Variants in SFI1 observed in about 807,000 individuals in gnomAD.
The protein encoded by SFI1 is protein SFI1 homolog.
A neutral mutation model predicts 207.5 loss-of-function variants in SFI1; 195 were observed. That is an observed-to-expected ratio of 0.94 (90% confidence interval 0.84 to 1.06). SFI1 has a LOEUF of 1.06. SFI1 is among the 50% of genes least tolerant of loss of function. The pLI is 0.00. For missense variants in SFI1, 1,634 were observed against 1,588.0 expected (o/e 1.03, Z -0.49); for synonymous variants, 630 against 598.9 (o/e 1.05, Z -0.76).
intron 8 of SFI1, among the ~76,000 whole-genome samples, chr22:31,563,496 T>C (rs970557431): frequency 6.6e-6 from 1 of 152,124 alleles, no homozygotes; most frequent in African/African-American, 2.4e-5. Flanking sequence ...TTCTTCCCTT[T>C]CTAAGAGCCA....
Position 31,551,709 on chromosome 22 carries a change from G to A in SFI1, c.544+1361G>A, listed in dbSNP as rs368282939. Reference sequence around the variant, plus strand: ...CTCTCCCAAAGTGCTGGCAATACAGGTGTGAGCCACTGTGCCTGGCCTTAA... The same window carrying A: ...CTCTCCCAAAGTGCTGGCAATACAGATGTGAGCCACTGTGCCTGGCCTTAA... On this transcript the variant is annotated intron_variant, in intron 6 of 32. Coordinates refer to ENST00000400288, the MANE Select transcript of SFI1 (RefSeq NM_001007467.3). Among the ~76,000 whole-genome samples the A allele has an allele frequency of 9.8e-5, 15 of 152,292 alleles. No individual in the cohort carries two copies. In the East Asian group the frequency reaches 2.5e-3, roughly 25 times the overall value.
intron 14 of SFI1, among the ~76,000 whole-genome samples, chr22:31,588,595 G>T (rs375382984): frequency 6.6e-6 from 1 of 152,248 alleles, no homozygotes; most frequent in East Asian, 1.9e-4. Flanking sequence ...CAGGCAGATC[G>T]TGAGGTCAAG....
chr22:31,596,518 C>T (rs184302577), intron 15 of SFI1, among the ~76,000 whole-genome samples: 5 of 151,872 alleles, frequency 3.3e-5, no homozygotes, highest in South Asian at 2.1e-4. Context: ...AGGCTGGACG[C>T]GGTGGCTCAC....
At chr22:31,501,586 G>A (rs1356964765) in intron 1 of SFI1, among the ~76,000 whole-genome samples, 4 of 152,110 alleles carry the variant, frequency 2.6e-5, no homozygotes, top group Admixed American at 6.6e-5. Context: ...TCCCAGTTCC[G>A]CCACTTGTTA....
chr22:31,517,878 C>A (rs1415801167), intron 2 of SFI1, among the ~76,000 whole-genome samples: 1 of 152,168 alleles, frequency 6.6e-6, no homozygotes, highest in Non-Finnish European at 1.5e-5. Flanking sequence ...GACTGCTTAT[C>A]TAGTACTTTT....
intron 14 of SFI1, among the ~76,000 whole-genome samples, chr22:31,587,096 A>T (rs983719687): frequency 6.6e-6 from 1 of 152,174 alleles, no homozygotes; most frequent in Admixed American, 6.6e-5. Context: ...CCAACCATGG[A>T]TAAAAAATAT....
intron 2 of SFI1, among the ~76,000 whole-genome samples, chr22:31,519,462 A>T (rs1938125564): frequency 6.8e-6 from 1 of 147,554 alleles, no homozygotes. Flanking sequence ...TCCGAGACAC[A>T]GTCTTGCTCT....
At chr22:31,554,435 A>G (rs1983967976) in intron 6 of SFI1, among the ~76,000 whole-genome samples, 1 of 151,708 alleles carries the variant, frequency 6.6e-6, no homozygotes, top group South Asian at 2.1e-4. Flanking sequence ...CAGCCTCCCA[A>G]TTAGCTGGGA....
intron 15 of SFI1, among the ~76,000 whole-genome samples, chr22:31,594,547 C>CA (rs35540639): frequency 1.6e-4 from 1 of 6,126 alleles, no homozygotes; most frequent in Non-Finnish European, 5.8e-4. Flanking sequence ...GACGCCGTCT[C>CA]AAAAAAAAAA....
At chr22:31,566,172 C>T (rs1313723605) in intron 8 of SFI1, among the ~76,000 whole-genome samples, 1 of 150,502 alleles carries the variant, frequency 6.6e-6, no homozygotes, top group Non-Finnish European at 1.5e-5. Context: ...CAGCTCACTG[C>T]AATCTCCGCC....
chr22:31,524,303 G>T (rs1403947028), intron 2 of SFI1, among the ~76,000 whole-genome samples: 1 of 152,138 alleles, frequency 6.6e-6, no homozygotes, highest in African/African-American at 2.4e-5. Flanking sequence ...CAAGTAAGAT[G>T]ACACCTCATT....
At chr22:31,521,306 CT>C in intron 2 of SFI1, 1 of 183,520 alleles carries the variant, frequency 5.4e-6, no homozygotes, top group Non-Finnish European at 1.3e-5. Context: ...AATTCTTCTT[CT>C]TCACTAATAG....
At chr22:31,522,113 G>A (rs1310531586) in intron 2 of SFI1, among the ~76,000 whole-genome samples, 1 of 136,286 alleles carries the variant, frequency 7.3e-6, no homozygotes, top group Non-Finnish European at 1.5e-5. Context: ...TGTCGCCCAG[G>A]CTCGAGTGCA....
chr22:31,512,922 G>C (rs1262701727), intron 2 of SFI1, among the ~76,000 whole-genome samples: 1 of 152,050 alleles, frequency 6.6e-6, no homozygotes, highest in Admixed American at 6.5e-5. Flanking sequence ...TTCTGACCTT[G>C]TGATCCGCCT....
At chr22:31,601,240 C>T (rs1447946231) in intron 15 of SFI1, among the ~76,000 whole-genome samples, 1 of 150,216 alleles carries the variant, frequency 6.7e-6, no homozygotes, top group Non-Finnish European at 1.5e-5. Context: ...TCTCCTGCCT[C>T]AGCCTCCCAA....
At position 31,547,906 on chromosome 22, in the gene SFI1, G is replaced by A. The variant is rs192706436; in HGVS notation, c.449+935G>A. Among the ~76,000 whole-genome samples, 615 of 146,808 alleles carry A rather than the reference G, an allele frequency of 4.2e-3. 2 individuals are homozygous for A. The highest frequency in any genetic ancestry group is 0.014 in the African/African-American group (551 of 40,462). On this transcript the variant is annotated intron_variant, in intron 5 of 32. Transcript: ENST00000400288. ...ATTACAGGCATGAACCACCACACCC[G>A]GCCTTGTTTTAAAAATAATAAATTG...
intron 29 of SFI1, 159 bp from the exon 30 acceptor site, chr22:31,616,586 T>G: frequency 5.5e-6 from 4 of 731,020 alleles, no homozygotes; most frequent in East Asian, 5.4e-5. Context: ...GGCTAGACAC[T>G]GAGCTGGCAC....
intron 1 of SFI1, among the ~76,000 whole-genome samples, chr22:31,499,080 T>A (rs2053266899): frequency 6.6e-6 from 1 of 152,072 alleles, no homozygotes; most frequent in Admixed American, 6.6e-5. Context: ...TGATCATGGC[T>A]CATTGCAGAC....
At chr22:31,549,897 T>C (rs2060468638) in intron 5 of SFI1, among the ~76,000 whole-genome samples, 1 of 151,456 alleles carries the variant, frequency 6.6e-6, no homozygotes, top group Non-Finnish European at 1.5e-5. Context: ...ACTTGGTGTG[T>C]TGGGTTAGGA....
Sources: gnomAD v4.1 joint callset for allele counts (sites outside exome capture counted in the v4.1 genomes callset) on GRCh38, gnomAD v4.1.1 for gene constraint, MANE v1.5 for transcripts, NCBI Gene and HGNC (gene_info 2026-07-23, HGNC 2026-07-21) for gene names.